The following PAM16 variants were observed in gnomAD, a reference collection of about 807,000 sequenced individuals.
PAM16 encodes the protein presequence translocase associated motor 16, also known as mitochondrial import inner membrane translocase subunit TIM16.
Under a neutral mutation model 17.9 loss-of-function variants are expected in PAM16, and 11 were observed. That is an observed-to-expected ratio of 0.62 (90% CI 0.39 to 1.02). PAM16 has a LOEUF of 1.02. Among genes scored for constraint, PAM16 ranks in the 50% least tolerant of loss-of-function variants. The pLI is 0.01. For synonymous variants in PAM16, 72 were observed against 67.4 expected, an observed-to-expected ratio of 1.07 and a Z score of -0.34; for missense variants, 199 against 165.4, an observed-to-expected ratio of 1.20 and a Z score of -1.11.
At position 4,341,393 on chromosome 16, in the gene PAM16, T is replaced by C. The variant is rs773199624; in HGVS notation, c.200A>G (p.Lys67Arg). The C allele has an allele frequency of 6.3e-7, 1 of 1,590,668 alleles. No homozygotes were observed. Among genetic ancestry groups the C allele is most frequent in the East Asian group, 2.3e-5 (1 of 43,998 alleles). The change falls in exon 3 of 5, where the codon AAG (lysine) becomes AGG (arginine). Residue 67 changes from lysine to arginine, a missense_variant. Physicochemically the swap from Lys to Arg is conservative, Grantham distance 26. Coordinates refer to ENST00000318059, the MANE Select transcript of PAM16 (RefSeq NM_016069.11). ...QEAQQILNVSKLSPEEVQKNY... is the reference protein window; with the variant it reads ...QEAQQILNVSRLSPEEVQKNY... The stretch of plus-strand genomic sequence containing the variant: ...CTTCTGGACCTCCTCAGGGCTCAGC[T>C]TGGACACGTTGAGAATCTGCTGTGC...
intron 1 of PAM16, among the ~76,000 whole-genome samples, chr16:4,345,040 T>A (rs1596252321): frequency 6.6e-6 from 1 of 151,818 alleles, no homozygotes; most frequent in Non-Finnish European, 1.5e-5. Context: ...ATCTGGCGGA[T>A]GACATGGAAA....
chr16:4,344,782 T>C (rs111553064), intron 1 of PAM16, among the ~76,000 whole-genome samples: 74 of 26,654 alleles, frequency 2.8e-3, no homozygotes, highest in East Asian at 7.0e-3. Context: ...GAGGGGGTTC[T>C]GTGAGAGGAG....
intron 1 of PAM16, 52 bp from the exon 2 acceptor site, chr16:4,343,343 G>A (rs2141144800): frequency 6.4e-7 from 1 of 1,556,594 alleles, no homozygotes; most frequent in South Asian, 1.2e-5. Flanking sequence ...TGGGCCCACA[G>A]AGATGGGCCC....
intron 1 of PAM16, chr16:4,348,681 A>C (rs1646885294): frequency 6.6e-6 from 1 of 151,732 alleles, no homozygotes; most frequent in African/African-American, 2.4e-5. Context: ...TTGGAGATGG[A>C]GTCTTGCTCT....
intron 1 of PAM16, chr16:4,345,575 A>T (rs1171220000): frequency 6.6e-6 from 1 of 152,246 alleles, no homozygotes; most frequent in African/African-American, 2.4e-5. Context: ...CTCTTTCCTT[A>T]ACAGGTGGGA....
In PAM16 at chr16:4,343,245, C is replaced by A; in HGVS notation, c.50G>T (p.Gly17Val). Residue 17 changes from glycine (G) to valine (V), a missense_variant, in exon 2 of 5, where the codon GGC (glycine) becomes GTC (valine). Transcript: ENST00000318059. ...CCGCAAGGCCCGTGCAAAGGCCCTG[C>A]CCACCACCTGCACGCCCATCACAAT... ...QIIVMGVQVV[G>V]RAFARALRQE... The A allele has an allele frequency of 6.2e-7, 1 of 1,612,798 alleles. No homozygotes were observed. Among genetic ancestry groups the A allele is most frequent in the Non-Finnish European group, 8.5e-7 (1 of 1,179,966 alleles).
chr16:4,343,348 G>A, intron 1 of PAM16, 57 bp from the exon 2 acceptor site: 5 of 1,552,290 alleles, frequency 3.2e-6, no homozygotes, highest in Non-Finnish European at 4.4e-6. Flanking sequence ...CCACAGAGAT[G>A]GGCCCTGGAA....
At chr16:4,345,863 G>C (rs978951258) in intron 1 of PAM16, 3 of 985,186 alleles carry the variant, frequency 3.0e-6, no homozygotes, top group Non-Finnish European at 3.6e-6. Flanking sequence ...CTGTCTGAAG[G>C]ACAGAGGTGA....
At chr16:4,351,139 CGCCCGCCGCCCAGCCCGGA>C (rs2053851579) in intron 1 of PAM16, 74 bp downstream of exon 1, 1 of 664,262 alleles carries the variant, frequency 1.5e-6, no homozygotes, top group African/African-American at 1.9e-5. Flanking sequence ...GGGCGCACGG[CGCCCGCCGCCCAGCCCGGA>C]GCTCGCCGCC....
chr16:4,345,215 A>C (rs992125211), intron 1 of PAM16: 1 of 152,086 alleles, frequency 6.6e-6, no homozygotes, highest in African/African-American at 2.4e-5. Context: ...CTTTCTTCCT[A>C]GTGCTTTTCT....
intron 1 of PAM16, among the ~76,000 whole-genome samples, chr16:4,349,635 C>T (rs948215542): frequency 6.2e-4 from 94 of 152,190 alleles, no homozygotes; most frequent in African/African-American, 2.2e-3. Flanking sequence ...GGTGTGCTGG[C>T]ACTCACCTGT....
At chr16:4,348,972 T>TTGG (rs2053802441) in intron 1 of PAM16, among the ~76,000 whole-genome samples, 1 of 125,468 alleles carries the variant, frequency 8.0e-6, no homozygotes, top group Non-Finnish European at 1.7e-5. Flanking sequence ...TTTTTTTTTT[T>TTGG]GAGACGGAGT....
chr16:4,343,220 C>A lies in PAM16; in HGVS notation c.75G>T (p.Arg25=). The change falls in exon 2 of 5, where the codon CGG becomes CGT. Residue 25 remains arginine, a synonymous_variant. Transcript: ENST00000318059. ...VVGRAFARAL[R]QEFAASRAAA... Reference sequence around the variant, plus strand: ...ACCCATGCTTACCTGCAAACTCCTGCCGCAAGGCCCGTGCAAAGGCCCTGC... The same window carrying A: ...ACCCATGCTTACCTGCAAACTCCTGACGCAAGGCCCGTGCAAAGGCCCTGC... 2 of 1,612,814 alleles carry A rather than the reference C, an allele frequency of 1.2e-6. No individual in the cohort carries two copies. The highest frequency in any genetic ancestry group is 2.2e-5 in the South Asian group (2 of 91,084).
Position 4,351,221 on chromosome 16 carries a change from T to C in PAM16, c.3+11A>G, listed in dbSNP as rs1200781224. ...CTTCCCCTCCCCGGTAGCGCCCGAC[T>C]CGGGGCTCACCATGGCAGCCGCTCT... is the stretch of plus-strand genomic sequence containing the variant. On this transcript the variant is annotated intron_variant, in intron 1 of 4. Transcript: ENST00000318059. 7.0e-6 allele frequency: 10 copies of C among 1,437,360 alleles called. No homozygotes were observed. The highest frequency in any genetic ancestry group is 9.2e-6 in the Non-Finnish European group (10 of 1,087,146). 89.0% of individuals were successfully genotyped at this position (1,437,360 alleles called of 1,614,324 possible).
In PAM16 at chr16:4,341,419, C is replaced by A; in HGVS notation, c.174G>T (p.Glu58Asp). Residue 58 changes from glutamate (E) to aspartate (D), a missense_variant, in exon 3 of 5, where the codon GAG becomes GAT. By Grantham distance (45) the Glu-to-Asp change is conservative. Transcript: ENST00000318059. ...ASNLSGLSLQ[E>D]AQQILNVSKL... ...TGGACACGTTGAGAATCTGCTGTGC[C>A]TCCTGGAGGCTGAGGCCGGAGAGGT... The A allele has an allele frequency of 6.2e-7, 1 of 1,603,934 alleles. No individual in the cohort carries two copies. Among genetic ancestry groups the A allele is most frequent in the Non-Finnish European group, 8.5e-7 (1 of 1,176,006 alleles).
At chr16:4,345,528 A>G (rs1353379180) in intron 1 of PAM16, 1 of 151,704 alleles carries the variant, frequency 6.6e-6, no homozygotes, top group African/African-American at 2.4e-5. Flanking sequence ...AGTGGATTCG[A>G]CTCCAGAGCT....
chr16:4,343,837 G>A (rs1170533350), intron 1 of PAM16: 2 of 399,700 alleles, frequency 5.0e-6, no homozygotes, highest in Non-Finnish European at 8.8e-6. Context: ...CATCTTCAAG[G>A]AGCTAAAAGC....
At chr16:4,343,895 A>T (rs940467316) in intron 1 of PAM16, 3 of 397,776 alleles carry the variant, frequency 7.5e-6, no homozygotes, top group African/African-American at 2.1e-5. Context: ...CATGAGGGAG[A>T]GTCAGGCTCG....
chr16:4,348,089 ACT>A (rs938362180), intron 1 of PAM16: 3 of 152,168 alleles, frequency 2.0e-5, no homozygotes, highest in Non-Finnish European at 4.4e-5. Context: ...TCTCAAGGAC[ACT>A]CTGGTCACCC....
Sources: allele counts gnomAD v4.1 joint callset (sites outside exome capture counted in the v4.1 genomes callset), GRCh38; gene constraint gnomAD v4.1.1; transcripts MANE v1.5; gene names NCBI Gene and HGNC (gene_info 2026-07-23, HGNC 2026-07-21).